EYA2: variants seen among roughly 807,000 people sequenced by gnomAD.
EYA2 encodes protein phosphatase EYA2.
In EYA2, 31 loss-of-function variants were observed where a neutral mutation model predicts 69.2. The ratio of observed to expected loss-of-function variants is 0.45; its 90% CI spans 0.34 to 0.60. The LOEUF is 0.60. EYA2 is among the 20% of genes least tolerant of loss of function. EYA2 has a pLI of 0.02. For missense variants in EYA2, 622 were observed against 701.2 expected, an observed-to-expected ratio of 0.89 and a Z score of 1.28; for synonymous variants, 257 against 279.4, an observed-to-expected ratio of 0.92 and a Z score of 0.80.
At chr20:47,034,335 C>T (rs777215882) in intron 5 of EYA2, among the ~76,000 whole-genome samples, 5 of 152,016 alleles carry the variant, frequency 3.3e-5, no homozygotes, top group African/African-American at 7.3e-5. Context: ...AGGTAAGTTT[C>T]GCAAAAATGT....
intron 5 of EYA2, among the ~76,000 whole-genome samples, chr20:47,054,431 G>C (rs775575023): frequency 1.3e-5 from 2 of 152,124 alleles, no homozygotes; most frequent in Non-Finnish European, 2.9e-5. Context: ...TCATGAATCC[G>C]TCAGTTTCAC....
At chr20:47,090,042 C>T (rs1039136232) in intron 8 of EYA2, among the ~76,000 whole-genome samples, 1 of 151,996 alleles carries the variant, frequency 6.6e-6, no homozygotes, top group Non-Finnish European at 1.5e-5. Context: ...CAGAAAGGGG[C>T]TCTCAACCTG....
At chr20:46,914,902 G>A (rs1183031205) in intron 1 of EYA2, among the ~76,000 whole-genome samples, 1 of 152,206 alleles carries the variant, frequency 6.6e-6, no homozygotes, top group Non-Finnish European at 1.5e-5. Flanking sequence ...AGAAAGTTGG[G>A]TTCAGTTTTA....
chr20:46,963,287 T>G (rs1208287684), intron 1 of EYA2, among the ~76,000 whole-genome samples: 1 of 152,212 alleles, frequency 6.6e-6, no homozygotes, highest in Admixed American at 6.5e-5. Flanking sequence ...TTATCCCTCC[T>G]GCAGGCAAAA....
At chr20:47,059,801 A>G (rs1206808) in intron 5 of EYA2, among the ~76,000 whole-genome samples, 122,809 of 152,208 alleles carry the variant, frequency 0.81, 50,221 homozygotes, top group African/African-American at 0.94. Context: ...GGCTCATCCG[A>G]TTCTCCATCA....
chr20:47,176,724 A>G (rs2034433409), intron 12 of EYA2, among the ~76,000 whole-genome samples: 1 of 152,212 alleles, frequency 6.6e-6, no homozygotes, highest in Admixed American at 6.5e-5. Context: ...CTTATATACA[A>G]AAGCTGTAGG....
At chr20:47,014,624 C>A (rs1983288420) in intron 4 of EYA2, among the ~76,000 whole-genome samples, 2 of 114,842 alleles carry the variant, frequency 1.7e-5, no homozygotes, top group Admixed American at 9.0e-5. Flanking sequence ...CACATGTGCA[C>A]AAAATGTGTG....
intron 9 of EYA2, among the ~76,000 whole-genome samples, chr20:47,115,047 T>G (rs895119512): frequency 2.0e-5 from 3 of 152,242 alleles, no homozygotes; most frequent in Non-Finnish European, 2.9e-5. Flanking sequence ...GATATTTCTT[T>G]ATAGCAATGC....
chr20:47,085,841 T>A (rs958915230), intron 7 of EYA2, among the ~76,000 whole-genome samples: 4 of 152,178 alleles, frequency 2.6e-5, no homozygotes, highest in Admixed American at 2.0e-4. Context: ...GGAGGGTAAC[T>A]GGAGGAAGAG....
intron 7 of EYA2, among the ~76,000 whole-genome samples, chr20:47,081,807 A>AAG (rs535076197): frequency 6.7e-6 from 1 of 150,056 alleles, no homozygotes. Context: ...GAAAGAAAAA[A>AAG]AGAGAGAGAG....
intron 9 of EYA2, among the ~76,000 whole-genome samples, chr20:47,100,379 G>C (rs912226296): frequency 1.3e-5 from 2 of 152,184 alleles, no homozygotes; most frequent in Admixed American, 6.5e-5. Flanking sequence ...CCCTCTTAGG[G>C]GGGGTGGACA....
At chr20:46,903,863 A>C (rs1200959014) in intron 1 of EYA2, among the ~76,000 whole-genome samples, 1 of 152,240 alleles carries the variant, frequency 6.6e-6, no homozygotes, top group African/African-American at 2.4e-5. Flanking sequence ...ATAACTTTTC[A>C]TAGTGCCATT....
At position 47,089,303 on chromosome 20, in the gene EYA2, C is replaced by T. The variant is rs765440891; in HGVS notation, c.726C>T (p.His242=). ...PAKEGDTDRP[H]RASDGKLRGR... is the part of the protein sequence containing the mutation. ...AAGAGGGAGACACAGACAGGCCGCA[C>T]CGGGCCTCCGACGGGAAGCTCCGAG... Residue 242 remains histidine (H), a synonymous_variant, in exon 8 of 16, where the codon CAC becomes CAT. Coordinates refer to ENST00000327619, the MANE Select transcript of EYA2 (RefSeq NM_005244.5). The T allele has an allele frequency of 1.2e-6, 2 of 1,614,198 alleles. No homozygotes were observed. The highest frequency in any genetic ancestry group is 2.2e-5 in the East Asian group (1 of 44,878).
intron 15 of EYA2, among the ~76,000 whole-genome samples, chr20:47,187,441 C>T (rs777841456): frequency 2.0e-5 from 3 of 147,652 alleles, no homozygotes; most frequent in Admixed American, 6.8e-5. Context: ...AAGATAAAAA[C>T]GAAAGCTATA....
At chr20:47,035,828 C>T (rs1278135948) in intron 5 of EYA2, among the ~76,000 whole-genome samples, 2 of 150,452 alleles carry the variant, frequency 1.3e-5, no homozygotes, top group Non-Finnish European at 3.0e-5. Flanking sequence ...AGCAACATGG[C>T]AAAACCCCGT....
At chr20:46,925,748 G>A (rs537136763) in intron 1 of EYA2, among the ~76,000 whole-genome samples, 23 of 152,272 alleles carry the variant, frequency 1.5e-4, no homozygotes, top group African/African-American at 5.3e-4. Flanking sequence ...CCTTTTGGAG[G>A]GCAGATTGGC....
intron 10 of EYA2, chr20:47,161,078 C>G: frequency 3.2e-6 from 1 of 308,422 alleles, no homozygotes; most frequent in Non-Finnish European, 6.1e-6. Context: ...CATAGATACC[C>G]GCCATCAGCA....
intron 15 of EYA2, among the ~76,000 whole-genome samples, chr20:47,184,092 C>A (rs926280024): frequency 6.6e-6 from 1 of 152,164 alleles, no homozygotes; most frequent in East Asian, 1.9e-4. Flanking sequence ...GAGAGGGCCC[C>A]GGGAGAGAGG....
chr20:47,079,157 A>G (rs2031627903), intron 7 of EYA2, among the ~76,000 whole-genome samples: 1 of 152,226 alleles, frequency 6.6e-6, no homozygotes, highest in African/African-American at 2.4e-5. Flanking sequence ...TATATGATGG[A>G]TCTGTGCAGT....
Sources: allele counts gnomAD v4.1 joint callset (sites outside exome capture counted in the v4.1 genomes callset), GRCh38; gene constraint gnomAD v4.1.1; transcripts MANE v1.5; gene names NCBI Gene and HGNC (gene_info 2026-07-23, HGNC 2026-07-21).